MAPK10: variants seen among roughly 807,000 people sequenced by gnomAD.
MAPK10 encodes the protein mitogen-activated protein kinase 10, also known as JNK3 alpha protein kinase.
Under a neutral mutation model 59.3 loss-of-function variants are expected in MAPK10, and 25 were observed. The observed-to-expected ratio is 0.42, with a 90% confidence interval of 0.31 to 0.59. MAPK10 has a LOEUF of 0.59. Among genes scored for constraint, MAPK10 ranks in the 20% least tolerant of loss-of-function variants. The pLI is 0.15. For missense variants in MAPK10, 351 were observed against 568.9 expected, an observed-to-expected ratio of 0.62 and a Z score of 3.90; for synonymous variants, 190 against 200.5, an observed-to-expected ratio of 0.95 and a Z score of 0.44.
intron 1 of MAPK10, among the ~76,000 whole-genome samples, chr4:86,420,155 G>A (rs1003724099): frequency 6.6e-6 from 1 of 152,168 alleles, no homozygotes; most frequent in Non-Finnish European, 1.5e-5. Context: ...TCAAGGAGCT[G>A]CATATCACTT....
intron 1 of MAPK10, among the ~76,000 whole-genome samples, chr4:86,359,263 C>CCTCTCT (rs367595812): frequency 0.014 from 735 of 53,442 alleles, 27 homozygotes; most frequent in South Asian, 0.032. Context: ...TTTTTTTTTT[C>CCTCTCT]CTCTCTCTCT....
intron 4 of MAPK10, among the ~76,000 whole-genome samples, chr4:86,147,151 A>T (rs950154122): frequency 2.0e-5 from 3 of 151,884 alleles, no homozygotes; most frequent in Admixed American, 6.6e-5. Context: ...CAGTAGCATG[A>T]TCATGGCTCA....
intron 1 of MAPK10, among the ~76,000 whole-genome samples, chr4:86,545,813 C>G (rs955512164): frequency 1.3e-5 from 2 of 152,160 alleles, no homozygotes; most frequent in East Asian, 3.8e-4. Flanking sequence ...GGAATAAGCA[C>G]GAATCTCACA....
chr4:86,372,395 T>C (rs1161907290), intron 1 of MAPK10, among the ~76,000 whole-genome samples: 1 of 151,838 alleles, frequency 6.6e-6, no homozygotes, highest in Non-Finnish European at 1.5e-5. Context: ...TGTGTGCCTG[T>C]AAACCCAGCT....
At chr4:86,433,633 G>T (rs1748343656) in intron 1 of MAPK10, among the ~76,000 whole-genome samples, 1 of 147,760 alleles carries the variant, frequency 6.8e-6, no homozygotes, top group Admixed American at 6.8e-5. Context: ...CAAACTCCTG[G>T]GCTCAAGTGA....
At chr4:86,262,351 T>C (rs1583672560) in intron 2 of MAPK10, among the ~76,000 whole-genome samples, 1 of 152,076 alleles carries the variant, frequency 6.6e-6, no homozygotes, top group Admixed American at 6.6e-5. Context: ...TCCAGTACTA[T>C]AAAAAATAAA....
At chr4:86,480,093 T>C (rs58370960) in intron 1 of MAPK10, among the ~76,000 whole-genome samples, 2,540 of 152,276 alleles carry the variant, frequency 0.017, 61 homozygotes, top group African/African-American at 0.058. Flanking sequence ...AGCTAAGCCA[T>C]CATATCCCCT....
intron 2 of MAPK10, among the ~76,000 whole-genome samples, chr4:86,256,352 GTTATAGCTACAATGAGAAAA>G (rs1325391363): frequency 6.6e-6 from 1 of 152,168 alleles, no homozygotes; most frequent in African/African-American, 2.4e-5. Flanking sequence ...AACCTACAGA[GTTATAGCTACAATGAGAAAA>G]TTATAGCTAT....
At chr4:86,402,932 G>A (rs1186887413) in intron 1 of MAPK10, among the ~76,000 whole-genome samples, 2 of 152,128 alleles carry the variant, frequency 1.3e-5, no homozygotes, top group African/African-American at 4.8e-5. Flanking sequence ...GGGACCCTTG[G>A]TAATCTGCAC....
chr4:86,186,842 T>A (rs1343677852), intron 3 of MAPK10, among the ~76,000 whole-genome samples: 3 of 152,132 alleles, frequency 2.0e-5, no homozygotes, highest in Non-Finnish European at 4.4e-5. Context: ...TAGGGAGCCT[T>A]CTCCTTAAAG....
At chr4:86,574,437 G>A (rs917121410) in intron 1 of MAPK10, among the ~76,000 whole-genome samples, 1 of 122,004 alleles carries the variant, frequency 8.2e-6, no homozygotes, top group Non-Finnish European at 1.9e-5. Flanking sequence ...GGGATGGCTG[G>A]GTCAAATGGT....
chr4:86,061,992 T>G (rs1455020459), intron 11 of MAPK10, among the ~76,000 whole-genome samples: 1 of 152,164 alleles, frequency 6.6e-6, no homozygotes, highest in East Asian at 1.9e-4. Context: ...TCATATGCAA[T>G]AACAGAGACA....
chr4:86,368,691 C>T (rs1738292340), intron 1 of MAPK10, among the ~76,000 whole-genome samples: 1 of 152,148 alleles, frequency 6.6e-6, no homozygotes, highest in African/African-American at 2.4e-5. Flanking sequence ...AATTATGTCC[C>T]TTTGTGGTTA....
chr4:86,136,772 G>A (rs1226646786), intron 4 of MAPK10, among the ~76,000 whole-genome samples: 39 of 151,636 alleles, frequency 2.6e-4, no homozygotes, highest in Non-Finnish European at 5.3e-4. Flanking sequence ...CCAACAGTGT[G>A]CTGTATTCAG....
rs573631814 is a variant in MAPK10, at chr4:86,532,482, G to A, written c.-263+61428C>T. ...CATTCCATAAAGCCCCAACCAAACT[G>A]GTCTACTTAGGTCCAAAAGCATGTT... On this transcript the variant is annotated intron_variant, in intron 1 of 4. Coordinates refer to the MAPK10 transcript ENST00000502302. Among the ~76,000 whole-genome samples, 3 of 152,264 alleles carry A rather than the reference G, an allele frequency of 2.0e-5. No homozygotes were observed. In the South Asian group the frequency reaches 6.2e-4, roughly 32 times the overall value.
chr4:86,404,930 G>C (rs1744171660), intron 1 of MAPK10, among the ~76,000 whole-genome samples: 1 of 152,096 alleles, frequency 6.6e-6, no homozygotes, highest in Non-Finnish European at 1.5e-5. Context: ...TCATAACCTT[G>C]AATAAGGAAA....
intron 2 of MAPK10, among the ~76,000 whole-genome samples, chr4:86,205,514 AATATAAG>A (rs2083601563): frequency 6.6e-6 from 1 of 151,968 alleles, no homozygotes; most frequent in Non-Finnish European, 1.5e-5. Flanking sequence ...ATACAAAGAT[AATATAAG>A]ACAAGAAAAT....
rs775390053 is a variant in MAPK10, at chr4:86,012,533, C to G, written c.*4695G>C. 9 of 152,092 alleles carry G rather than the reference C, an allele frequency of 5.9e-5. No homozygotes were observed. The highest frequency in any genetic ancestry group is 1.2e-4 in the Non-Finnish European group (8 of 68,002). The allele number at this position is 152,092 out of a possible 1,614,324, so 9.4% of individuals were successfully genotyped here. A position where few individuals can be genotyped will look rare whatever the true frequency, so the allele number is the denominator to read the frequency against. On this transcript the variant is annotated 3_prime_UTR_variant, in exon 14 of 14. Coordinates refer to ENST00000641462, the MANE Select transcript of MAPK10 (RefSeq NM_138982.4). Reference sequence around the variant, plus strand: ...TCTGATTTTAATAATCCATAAGAAACAGAAATCATAATATATTGACTCCAT... The same window carrying G: ...TCTGATTTTAATAATCCATAAGAAAGAGAAATCATAATATATTGACTCCAT...
At chr4:86,207,618 A>T (rs2084467755) in intron 2 of MAPK10, among the ~76,000 whole-genome samples, 1 of 152,052 alleles carries the variant, frequency 6.6e-6, no homozygotes. Flanking sequence ...ATGGCATTGA[A>T]TCTGTAAATT....
Sources: allele counts gnomAD v4.1 joint callset (sites outside exome capture counted in the v4.1 genomes callset), GRCh38; gene constraint gnomAD v4.1.1; transcripts MANE v1.5; gene names NCBI Gene and HGNC (gene_info 2026-07-23, HGNC 2026-07-21).